Variants in HPN observed in about 807,000 individuals in gnomAD.
HPN encodes the protein serine protease hepsin.
A neutral mutation model predicts 55.9 loss-of-function variants in HPN; 13 were observed. The ratio of observed to expected loss-of-function variants is 0.23; its 90% confidence interval spans 0.15 to 0.37. The LOEUF is 0.37. HPN is among the 10% of genes least tolerant of loss of function. The probability of loss-of-function intolerance (pLI) is 1.00; values close to 1 mark genes in which losing one functional copy is unlikely to be tolerated. For missense variants in HPN, 451 were observed against 575.8 expected (o/e 0.78, Z 2.22); for synonymous variants, 225 against 240.3 (o/e 0.94, Z 0.59).
intron 9 of HPN, among the ~76,000 whole-genome samples, chr19:35,062,402 T>C (rs148547395): frequency 1.1e-5 from 1 of 90,750 alleles, no homozygotes; most frequent in Non-Finnish European, 2.5e-5. Flanking sequence ...ACTAATAAAA[T>C]GAAAAGAAAA....
chr19:35,065,085 G>T (rs1016752540), intron 9 of HPN, among the ~76,000 whole-genome samples, 165 bp from the exon 10 acceptor site: 3 of 151,966 alleles, frequency 2.0e-5, no homozygotes, highest in Non-Finnish European at 4.4e-5. Context: ...GCCTCCCAAA[G>T]TGCTGGGATT....
At chr19:35,064,222 A>G (rs2064571871) in intron 9 of HPN, among the ~76,000 whole-genome samples, 1 of 152,188 alleles carries the variant, frequency 6.6e-6, no homozygotes, top group South Asian at 2.1e-4. Flanking sequence ...CTGCACAAGG[A>G]CACCACATCT....
At chr19:35,061,534 C>T (rs187850669) in intron 9 of HPN, among the ~76,000 whole-genome samples, 1 of 151,924 alleles carries the variant, frequency 6.6e-6, no homozygotes, top group African/African-American at 2.4e-5. Context: ...GTGGAGATTG[C>T]AGTGAGCCGA....
At chr19:35,059,182 A>C (rs763653050) in intron 4 of HPN, 2 of 295,974 alleles carry the variant, frequency 6.8e-6, no homozygotes, top group Non-Finnish European at 1.3e-5. Context: ...GCAGAGTGCC[A>C]TGGTGCTCTG....
rs1305970302 is a variant in HPN, at chr19:35,041,806, C to G, written c.-121C>G. The G allele has an allele frequency of 7.5e-7, 1 of 1,336,386 alleles. No individual in the cohort carries two copies. The highest frequency in any genetic ancestry group is 9.8e-7 in the Non-Finnish European group (1 of 1,015,418). The allele number at this position is 1,336,386 out of a possible 1,614,324, so 82.8% of individuals were successfully genotyped here. On this transcript the variant is annotated 5_prime_UTR_variant, in exon 1 of 13. Transcript: ENST00000672452. Reference sequence around the variant, plus strand: ...GCTGCGGGGCCACCATGCTCCTGCCCAGGCCTGGAGACTGACCCGACCCCG... The same window carrying G: ...GCTGCGGGGCCACCATGCTCCTGCCGAGGCCTGGAGACTGACCCGACCCCG...
chr19:35,052,506 G>T (rs2064414982), intron 4 of HPN, among the ~76,000 whole-genome samples: 1 of 135,510 alleles, frequency 7.4e-6, no homozygotes, highest in Admixed American at 8.4e-5. Flanking sequence ...CTGCACTCCA[G>T]CCTGGGTGAC....
rs769538432 is a variant in HPN at position 35,061,890 on chromosome 19, A to G, written c.811+1073A>G. ...AGACCAGCCTGGGCAACATAGCAAG[A>G]CCCCATCACTTAAAAAAATGAGCTA... On this transcript the variant is annotated intron_variant, in intron 9 of 12. Coordinates refer to ENST00000672452, the MANE Select transcript of HPN (RefSeq NM_001384133.1). Among the ~76,000 whole-genome samples, 32 of 152,056 alleles carry G rather than the reference A, an allele frequency of 2.1e-4. No individual in the cohort carries two copies. The Middle Eastern group carries it at 0.01, about 48-fold the overall frequency.
chr19:35,043,461 C>T (rs1488897700), intron 2 of HPN, among the ~76,000 whole-genome samples: 1 of 152,202 alleles, frequency 6.6e-6, no homozygotes, highest in Non-Finnish European at 1.5e-5. Context: ...CACTTTCTAG[C>T]TGTGTGGCCC....
chr19:35,049,666 T>A, intron 4 of HPN, 150 bp downstream of exon 4: 1 of 760,494 alleles, frequency 1.3e-6, no homozygotes, highest in Non-Finnish European at 2.1e-6. Flanking sequence ...GCCTGCTATG[T>A]ACCAGGCACT....
At chr19:35,046,247 A>C (rs570316760) in intron 2 of HPN, among the ~76,000 whole-genome samples, 6 of 144,220 alleles carry the variant, frequency 4.2e-5, no homozygotes, top group Non-Finnish European at 9.1e-5. Flanking sequence ...TGAGCTTTCA[A>C]TTTTTTTTTT....
rs781315320 is a variant in HPN at position 35,041,836 on chromosome 19, TACCTCGAGG to T, written c.-90_-82del. 3 of 1,343,138 alleles carry T rather than the reference TACCTCGAGG, an allele frequency of 2.2e-6. No individual in the cohort carries two copies. The Admixed American group carries it at 5.8e-5, about 26-fold the overall frequency. 83.2% of individuals were successfully genotyped at this position (1,343,138 alleles called of 1,614,324 possible). A position where few individuals can be genotyped will look rare whatever the true frequency, so the allele number is the denominator to read the frequency against. On this transcript the variant is annotated 5_prime_UTR_variant, in exon 1 of 13. Coordinates refer to ENST00000672452, the MANE Select transcript of HPN (RefSeq NM_001384133.1). ...CTGGAGACTGACCCGACCCCGGCAC[TACCTCGAGG>T]CTCCGCCCCCACCTGCTGGACCCCA...
chr19:35,057,464 C>T (rs936236102), intron 4 of HPN, among the ~76,000 whole-genome samples: 1 of 150,662 alleles, frequency 6.6e-6, no homozygotes, highest in Admixed American at 6.6e-5. Context: ...AAATGAATTC[C>T]GATATTAAAA....
chr19:35,054,428 A>C (rs1206102485), intron 4 of HPN, among the ~76,000 whole-genome samples: 4 of 151,920 alleles, frequency 2.6e-5, no homozygotes, highest in East Asian at 1.9e-4. Context: ...AAAAAAAAAA[A>C]AAAAAACCGA....
chr19:35,059,196 T>C (rs1234222907), intron 4 of HPN: 2 of 315,928 alleles, frequency 6.3e-6, no homozygotes, highest in Non-Finnish European at 1.2e-5. Context: ...TGCTCTGTAA[T>C]CCCACCTGTA....
chr19:35,062,472 T>G (rs545071332), intron 9 of HPN, among the ~76,000 whole-genome samples: 2 of 152,306 alleles, frequency 1.3e-5, no homozygotes, highest in Admixed American at 6.5e-5. Context: ...CCCTCTGCAA[T>G]TCCCTGGAGT....
At chr19:35,057,837 A>C (rs1186360229) in intron 4 of HPN, among the ~76,000 whole-genome samples, 1 of 152,144 alleles carries the variant, frequency 6.6e-6, no homozygotes, top group African/African-American at 2.4e-5. Flanking sequence ...AATGTATATA[A>C]TTTTGTCAAT....
Position 35,060,510 on chromosome 19 carries a change from G to C in HPN, c.618G>C (p.Pro206=). ...DWVLTAAHCF[P]ERNRVLSRWR... is the part of the protein sequence containing the mutation. ...TGCTGACAGCCGCCCACTGCTTCCC[G>C]GAGTGAGTGCCCCCCAATGGCGCTG... The change falls in exon 8 of 13, where the codon CCG becomes CCC. Residue 206 remains proline, a splice_region_variant and synonymous_variant. Coordinates refer to ENST00000672452, the MANE Select transcript of HPN (RefSeq NM_001384133.1). The C allele has an allele frequency of 6.2e-7, 1 of 1,612,562 alleles. No individual in the cohort carries two copies. The highest frequency in any genetic ancestry group is 8.5e-7 in the Non-Finnish European group (1 of 1,179,692).
At chr19:35,042,028 T>G (rs2151750757) in intron 1 of HPN, 156 bp downstream of exon 1, 1 of 1,157,250 alleles carries the variant, frequency 8.6e-7, no homozygotes, top group South Asian at 1.7e-5. Context: ...AGGTGTTCTG[T>G]CCTGCTCTTC....
upstream of HPN, among the ~76,000 whole-genome samples, chr19:35,041,131 G>C (rs1210018379): frequency 6.6e-6 from 1 of 152,198 alleles, no homozygotes; most frequent in African/African-American, 2.4e-5. Context: ...TGTTTTCCCG[G>C]CCAAGCCCCC....
Sources: gnomAD v4.1 joint callset for allele counts (sites outside exome capture counted in the v4.1 genomes callset) on GRCh38, gnomAD v4.1.1 for gene constraint, MANE v1.5 for transcripts, NCBI Gene and HGNC (gene_info 2026-07-23, HGNC 2026-07-21) for gene names.